HTR1F: variants seen among roughly 807,000 people sequenced by gnomAD.
HTR1F encodes the protein 5-hydroxytryptamine receptor 1F.
In HTR1F, 17 loss-of-function variants were observed where a neutral mutation model predicts 24.0. The observed-to-expected ratio is 0.71, with a 90% confidence interval of 0.48 to 1.06. The LOEUF (loss-of-function observed/expected upper bound fraction) is 1.06, where lower values mean the gene tolerates loss of function less well. Ranked by LOEUF, HTR1F falls within the 50% of genes least tolerant of loss-of-function variation. HTR1F has a pLI of 0.00. For missense variants in HTR1F, 391 were observed against 427.8 expected, an observed-to-expected ratio of 0.91 and a Z score of 0.76; for synonymous variants, 186 against 156.8, an observed-to-expected ratio of 1.19 and a Z score of -1.39.
chr3:87,841,970 T>A (rs1704818503), intron 2 of HTR1F, among the ~76,000 whole-genome samples: 1 of 150,158 alleles, frequency 6.7e-6, no homozygotes, highest in Non-Finnish European at 1.5e-5. Context: ...CTTTTGAAGA[T>A]TTCCCAAGAG....
At chr3:87,835,307 G>T in intron 2 of HTR1F, among the ~76,000 whole-genome samples, 1 of 149,758 alleles carries the variant, frequency 6.7e-6, no homozygotes, top group East Asian at 2.0e-4. Context: ...CACCCCCAGG[G>T]CAGACAGGAT....
chr3:87,967,592 G>T (rs987679104), intron 2 of HTR1F, among the ~76,000 whole-genome samples: 2 of 152,010 alleles, frequency 1.3e-5, no homozygotes, highest in Admixed American at 6.6e-5. Flanking sequence ...ATCATGGGGG[G>T]GGGTGGGTAG....
intron 2 of HTR1F, among the ~76,000 whole-genome samples, chr3:87,974,967 A>G (rs1444506954): frequency 6.6e-6 from 1 of 152,176 alleles, no homozygotes; most frequent in Non-Finnish European, 1.5e-5. Flanking sequence ...CAACTAGGGA[A>G]TATATAAATC....
chr3:87,818,567 C>T (rs1465867772), intron 1 of HTR1F, among the ~76,000 whole-genome samples: 1 of 152,140 alleles, frequency 6.6e-6, no homozygotes, highest in Non-Finnish European at 1.5e-5. Context: ...ACCTGCAGTC[C>T]TGCCATGCCA....
chr3:87,840,216 T>C (rs1257933806), intron 2 of HTR1F, among the ~76,000 whole-genome samples: 3 of 152,188 alleles, frequency 2.0e-5, no homozygotes, highest in African/African-American at 7.2e-5. Context: ...CTTTTTTGCT[T>C]GTTGACTTGT....
intron 1 of HTR1F, among the ~76,000 whole-genome samples, chr3:87,818,098 A>T (rs1034356387): frequency 6.6e-6 from 1 of 152,162 alleles, no homozygotes. Flanking sequence ...TACTATTTGC[A>T]TCTTGTTGAA....
chr3:87,934,602 T>C (rs1576054294), intron 2 of HTR1F, among the ~76,000 whole-genome samples: 1 of 152,274 alleles, frequency 6.6e-6, no homozygotes, highest in East Asian at 1.9e-4. Context: ...TTACAAGAAG[T>C]CACTCCTTTG....
chr3:87,931,907 T>A (rs1174487396), intron 2 of HTR1F, among the ~76,000 whole-genome samples: 1 of 151,928 alleles, frequency 6.6e-6, no homozygotes, highest in Non-Finnish European at 1.5e-5. Context: ...TTTTTTCTTG[T>A]AAATTTGTTT....
At chr3:87,985,336 CAA>C (rs11337146) in intron 2 of HTR1F, among the ~76,000 whole-genome samples, 27 of 144,304 alleles carry the variant, frequency 1.9e-4, no homozygotes, top group South Asian at 2.2e-4. Flanking sequence ...ACCTCCATCT[CAA>C]AAAAAAAAAA....
At chr3:87,858,412 G>C (rs145664042) in intron 2 of HTR1F, among the ~76,000 whole-genome samples, 151 of 152,266 alleles carry the variant, frequency 9.9e-4, no homozygotes, top group African/African-American at 3.5e-3. Flanking sequence ...CGAGAAGACA[G>C]ACCTGTTATT....
chr3:87,971,962 T>C (rs554828694), intron 2 of HTR1F, among the ~76,000 whole-genome samples: 4 of 152,340 alleles, frequency 2.6e-5, no homozygotes, highest in African/African-American at 9.6e-5. Context: ...AATGACTGGA[T>C]AAAAATGATT....
intron 2 of HTR1F, among the ~76,000 whole-genome samples, chr3:87,943,809 T>C (rs534529520): frequency 2.0e-5 from 3 of 152,348 alleles, no homozygotes; most frequent in Admixed American, 1.3e-4. Context: ...GAGGATATCA[T>C]GGCCAGGCGG....
At chr3:87,871,807 A>G (rs1705564451) in intron 2 of HTR1F, among the ~76,000 whole-genome samples, 1 of 152,120 alleles carries the variant, frequency 6.6e-6, no homozygotes, top group Admixed American at 6.6e-5. Context: ...CAGCACATTA[A>G]CAGTAGGTGA....
chr3:87,848,193 T>C (rs746698412), intron 2 of HTR1F, among the ~76,000 whole-genome samples: 14 of 151,934 alleles, frequency 9.2e-5, no homozygotes, highest in Non-Finnish European at 1.6e-4. Flanking sequence ...TTTTGTCTTT[T>C]TGATAATAGC....
At chr3:87,974,691 T>C (rs1276630756) in intron 2 of HTR1F, among the ~76,000 whole-genome samples, 1 of 152,214 alleles carries the variant, frequency 6.6e-6, no homozygotes. Context: ...CCAACTATAA[T>C]GCTGGAACTA....
At chr3:87,796,126 GTTTGCCAGCCTAGTC>G (rs1703900198) in intron 1 of HTR1F, among the ~76,000 whole-genome samples, 1 of 152,178 alleles carries the variant, frequency 6.6e-6, no homozygotes, top group Admixed American at 6.5e-5. Flanking sequence ...AGTCACTAGT[GTTTGCCAGCCTAGTC>G]TTTAACCAGG....
rs1234985585 is a variant in HTR1F at position 87,991,254 on chromosome 3, G to A, written c.505G>A (p.Asp169Asn). The A allele has an allele frequency of 1.6e-5, 26 of 1,613,934 alleles. No individual in the cohort carries two copies. The highest frequency in any genetic ancestry group is 2.7e-5 in the African/African-American group (2 of 74,914). The change falls in exon 3 of 3, where the codon GAT (aspartate) becomes AAT (asparagine). Residue 169 changes from aspartate to asparagine, a missense_variant. Coordinates refer to ENST00000319595, the MANE Select transcript of HTR1F (RefSeq NM_001322209.2). ...CTGGAGGCACCAAGGAACTAGCAGA[G>A]ATGATGAATGCATCATCAAGCACGA... ...LFWRHQGTSRDDECIIKHDHI... is the reference protein window; with the variant it reads ...LFWRHQGTSRNDECIIKHDHI...
intron 2 of HTR1F, among the ~76,000 whole-genome samples, chr3:87,977,599 T>C (rs1306303259): frequency 3.3e-5 from 5 of 151,290 alleles, no homozygotes; most frequent in Admixed American, 2.0e-4. Flanking sequence ...TTTTTTTGTA[T>C]TTTTAGTAGA....
At chr3:87,937,980 G>T (rs533022846) in intron 2 of HTR1F, among the ~76,000 whole-genome samples, 1 of 151,726 alleles carries the variant, frequency 6.6e-6, no homozygotes. Context: ...CATCAAATAG[G>T]AAGAGAGGAA....
Sources: gnomAD v4.1 joint callset for allele counts (sites outside exome capture counted in the v4.1 genomes callset) on GRCh38, gnomAD v4.1.1 for gene constraint, MANE v1.5 for transcripts, NCBI Gene and HGNC (gene_info 2026-07-23, HGNC 2026-07-21) for gene names.